SLC26A7: variants seen among roughly 807,000 people sequenced by gnomAD.
The protein encoded by SLC26A7 is anion exchange transporter.
In SLC26A7, 59 loss-of-function variants were observed where a neutral mutation model predicts 82.5. The observed-to-expected ratio is 0.72, with a 90% CI of 0.58 to 0.89. The LOEUF (loss-of-function observed/expected upper bound fraction) is 0.89. Ranked by LOEUF, SLC26A7 falls within the 40% of genes least tolerant of loss-of-function variation. The pLI is 0.00. For missense variants in SLC26A7, 820 were observed against 793.0 expected, an observed-to-expected ratio of 1.03 and a Z score of -0.41; for synonymous variants, 271 against 274.3, an observed-to-expected ratio of 0.99 and a Z score of 0.12.
At chr8:91,336,933 A>G (rs1045117792) in intron 6 of SLC26A7, among the ~76,000 whole-genome samples, 2 of 152,144 alleles carry the variant, frequency 1.3e-5, no homozygotes, top group Admixed American at 1.3e-4. Context: ...ATGATTATGA[A>G]CAATTATAAT....
chr8:91,245,005 G>A (rs1011152454), upstream of SLC26A7, among the ~76,000 whole-genome samples: 2 of 152,192 alleles, frequency 1.3e-5, no homozygotes, highest in African/African-American at 4.8e-5. Flanking sequence ...ATAGAACTTT[G>A]CTCACTCTAC....
chr8:91,316,820 G>A (rs1179230754), intron 4 of SLC26A7, among the ~76,000 whole-genome samples: 1 of 151,238 alleles, frequency 6.6e-6, no homozygotes, highest in African/African-American at 2.4e-5. Context: ...TCTTCTCAAA[G>A]CTCTCTGGTA....
intron 2 of SLC26A7, among the ~76,000 whole-genome samples, chr8:91,281,188 A>G (rs1811561812): frequency 6.6e-6 from 1 of 152,260 alleles, no homozygotes; most frequent in Admixed American, 6.5e-5. Flanking sequence ...ATTCAAAGAT[A>G]TATAAAAAAA....
chr8:91,366,810 C>T (rs967027413), intron 14 of SLC26A7, 93 bp downstream of exon 14: 20 of 1,359,682 alleles, frequency 1.5e-5, no homozygotes, highest in South Asian at 5.9e-5. Context: ...ATACATCACA[C>T]GAGTATTTCG....
At chr8:91,246,901 T>C (rs1810552377), upstream of SLC26A7, among the ~76,000 whole-genome samples, 1 of 152,218 alleles carries the variant, frequency 6.6e-6, no homozygotes, top group African/African-American at 2.4e-5. Context: ...GAGTTAGTTA[T>C]ACATGTTTTG....
intron 4 of SLC26A7, among the ~76,000 whole-genome samples, chr8:91,308,514 C>G (rs1313400969): frequency 6.6e-6 from 1 of 152,114 alleles, no homozygotes; most frequent in Non-Finnish European, 1.5e-5. Context: ...TTAACTTGAT[C>G]ACCTGGCTGA....
At chr8:91,244,405 C>A (rs932734824), upstream of SLC26A7, among the ~76,000 whole-genome samples, 13 of 146,858 alleles carry the variant, frequency 8.9e-5, no homozygotes, top group Non-Finnish European at 1.4e-4. Flanking sequence ...TCTTTTCATT[C>A]TTTTTTTATG....
intron 4 of SLC26A7, among the ~76,000 whole-genome samples, chr8:91,310,615 C>T (rs928886151): frequency 2.6e-5 from 4 of 152,078 alleles, no homozygotes; most frequent in African/African-American, 4.8e-5. Flanking sequence ...CTCAAGAACG[C>T]GTATTAAGGG....
chr8:91,375,963 T>C (rs1238618649), intron 15 of SLC26A7, among the ~76,000 whole-genome samples: 2 of 152,218 alleles, frequency 1.3e-5, no homozygotes, highest in African/African-American at 4.8e-5. Flanking sequence ...TTTTTCTGTC[T>C]GGGTTAATTT....
chr8:91,267,473 A>G (rs1162007618), intron 2 of SLC26A7, among the ~76,000 whole-genome samples: 2 of 151,730 alleles, frequency 1.3e-5, no homozygotes. Context: ...CTATTTCTTC[A>G]TGATTCAATC....
chr8:91,318,295 C>T lies in SLC26A7; in HGVS notation c.557C>T (p.Ala186Val), dbSNP rs1812697296. The T allele has an allele frequency of 1.2e-6, 2 of 1,612,186 alleles. No homozygotes were observed. The highest frequency in any genetic ancestry group is 2.7e-5 in the African/African-American group (2 of 74,822). ...GTGATCAGCGCAATGACAACTGGGG[C>T]TGCCACCCATGTGGTGACTTCACAA... is the stretch of plus-strand genomic sequence containing the variant. ...EPVISAMTTG[A>V]ATHVVTSQVK... is the part of the protein sequence containing the mutation. The change falls in exon 5 of 19, where the codon GCT (alanine) becomes GTT (valine). Residue 186 changes from alanine (A) to valine (V), a missense_variant. Coordinates refer to ENST00000276609, the MANE Select transcript of SLC26A7 (RefSeq NM_052832.4).
chr8:91,234,827 A>T (rs56164946), intron 2 of SLC26A7, among the ~76,000 whole-genome samples: 2 of 92,494 alleles, frequency 2.2e-5, no homozygotes, highest in African/African-American at 9.0e-5. Flanking sequence ...CTACCTACCT[A>T]CTTCCTTCCT....
chr8:91,357,862 CT>C (rs1813917321), intron 11 of SLC26A7, among the ~76,000 whole-genome samples: 1 of 152,208 alleles, frequency 6.6e-6, no homozygotes, highest in Non-Finnish European at 1.5e-5. Flanking sequence ...ACCTACTCAT[CT>C]GACAAAGGGC....
chr8:91,288,820 T>TGCCTG (rs1811781871), intron 2 of SLC26A7, among the ~76,000 whole-genome samples: 1 of 152,198 alleles, frequency 6.6e-6, no homozygotes, highest in Non-Finnish European at 1.5e-5. Flanking sequence ...AATTTTAGTG[T>TGCCTG]GCCTGGAGAT....
At chr8:91,248,145 T>G (rs1010427187), upstream of SLC26A7, among the ~76,000 whole-genome samples, 1 of 152,150 alleles carries the variant, frequency 6.6e-6, no homozygotes, top group African/African-American at 2.4e-5. Context: ...AAACCTGAAC[T>G]ATTGAATGGT....
chr8:91,289,307 CT>C, intron 3 of SLC26A7, 61 bp downstream of exon 3: 2 of 1,239,676 alleles, frequency 1.6e-6, no homozygotes, highest in Non-Finnish European at 2.4e-6. Context: ...GTGATTATTA[CT>C]GATTACATCT....
In SLC26A7 at chr8:91,295,516, A is replaced by C. The variant is rs1381212752; in HGVS notation, c.305-15A>C. ...AAATTACTAATAGAAGATTCCCCAC[A>C]CCACTTGGTTTCAGGCACCTTTGCC... On this transcript the variant is annotated splice_polypyrimidine_tract_variant and intron_variant, in intron 3 of 18. Transcript: ENST00000276609. 1 of 1,605,846 alleles carries C rather than the reference A, an allele frequency of 6.2e-7. No homozygotes were observed. The highest frequency in any genetic ancestry group is 8.5e-7 in the Non-Finnish European group (1 of 1,175,366).
intron 6 of SLC26A7, among the ~76,000 whole-genome samples, chr8:91,335,679 A>G (rs890310662): frequency 6.6e-6 from 1 of 152,232 alleles, no homozygotes; most frequent in African/African-American, 2.4e-5. Flanking sequence ...GGTATTCTTT[A>G]TACGTGTTAT....
At chr8:91,265,710 G>C (rs1811092324) in intron 2 of SLC26A7, among the ~76,000 whole-genome samples, 1 of 151,850 alleles carries the variant, frequency 6.6e-6, no homozygotes, top group Non-Finnish European at 1.5e-5. Flanking sequence ...GTTTATTTAG[G>C]CTTTTTGCTT....
Sources: allele counts gnomAD v4.1 joint callset (sites outside exome capture counted in the v4.1 genomes callset), GRCh38; gene constraint gnomAD v4.1.1; transcripts MANE v1.5; gene names NCBI Gene and HGNC (gene_info 2026-07-23, HGNC 2026-07-21).